The following ATG10 variants were observed in gnomAD, a reference collection of about 807,000 sequenced individuals.
ATG10 encodes ubiquitin-like-conjugating enzyme ATG10.
Under a neutral mutation model 32.1 loss-of-function variants are expected in ATG10, and 30 were observed. The observed-to-expected ratio is 0.94, with a 90% CI of 0.70 to 1.27. The LOEUF is 1.27. Among genes scored for constraint, ATG10 ranks in the 50% most tolerant of loss-of-function variants. ATG10 has a pLI of 0.00. For missense variants in ATG10, 233 were observed against 262.3 expected (o/e 0.89, Z 0.77); for synonymous variants, 87 against 91.5 (o/e 0.95, Z 0.28).
At chr5:82,249,829 T>C (rs1747175672) in intron 5 of ATG10, among the ~76,000 whole-genome samples, 2 of 152,204 alleles carry the variant, frequency 1.3e-5, no homozygotes, top group Non-Finnish European at 1.5e-5. Context: ...AGAGCTGCAG[T>C]GTGCCATGGT....
Position 82,040,065 on chromosome 5 carries a change from AG to A in ATG10, c.109-18427del, listed in dbSNP as rs373708650. On this transcript the variant is annotated intron_variant, in intron 2 of 7. Coordinates refer to ENST00000282185, the MANE Select transcript of ATG10 (RefSeq NM_031482.5). ...AGTTGGACTTCCTACATAGCTTCTC[AG>A]GGCTCCAAACACGAATCCAGAAACA... Among the ~76,000 whole-genome samples the A allele has an allele frequency of 2.4e-3, 364 of 152,290 alleles. 2 individuals are homozygous for A. The highest frequency in any genetic ancestry group is 8.4e-3 in the African/African-American group (350 of 41,552).
At chr5:82,097,960 A>T (rs1289598163) in intron 3 of ATG10, among the ~76,000 whole-genome samples, 10 of 152,196 alleles carry the variant, frequency 6.6e-5, no homozygotes. Flanking sequence ...TAAAAAAAGG[A>T]TAGACTGTAA....
chr5:82,081,373 T>C (rs1312909725), intron 3 of ATG10, among the ~76,000 whole-genome samples: 1 of 152,220 alleles, frequency 6.6e-6, no homozygotes, highest in African/African-American at 2.4e-5. Context: ...CTGATTGCCC[T>C]GGCCAGAACT....
rs80321965 is a variant in ATG10, at chr5:82,108,805, A to G, written c.216+50203A>G. ...TCTCAAATTTTCAGTCTATGTGACTATGTGACCAGGAAGCAGGAATGGTGT... is the reference window on the plus strand; with the variant it reads ...TCTCAAATTTTCAGTCTATGTGACTGTGTGACCAGGAAGCAGGAATGGTGT... On this transcript the variant is annotated intron_variant, in intron 3 of 7. Transcript: ENST00000282185. 5.3e-3 allele frequency among the ~76,000 whole-genome samples: 802 copies of G among 152,142 alleles called. 6 individuals carry two copies. Among genetic ancestry groups the G allele is most frequent in the African/African-American group, 0.018 (756 of 41,536 alleles).
intron 5 of ATG10, among the ~76,000 whole-genome samples, chr5:82,193,963 C>T (rs983018243): frequency 6.6e-6 from 1 of 152,076 alleles, no homozygotes; most frequent in Non-Finnish European, 1.5e-5. Context: ...AAATGTTTTC[C>T]CTATTTATCA....
At chr5:82,028,101 G>C (rs752030774) in intron 2 of ATG10, among the ~76,000 whole-genome samples, 9 of 152,194 alleles carry the variant, frequency 5.9e-5, no homozygotes, top group Non-Finnish European at 1.3e-4. Context: ...TTACCACCTA[G>C]TGTGAAAATT....
At chr5:82,145,665 A>T (rs1767321717) in intron 3 of ATG10, among the ~76,000 whole-genome samples, 1 of 152,144 alleles carries the variant, frequency 6.6e-6, no homozygotes, top group Admixed American at 6.5e-5. Context: ...ACTTTTGCTT[A>T]AAACTGTCAC....
intron 1 of ATG10, among the ~76,000 whole-genome samples, chr5:81,979,294 G>A (rs1488311726): frequency 2.6e-5 from 4 of 152,188 alleles, no homozygotes; most frequent in Admixed American, 2.0e-4. Context: ...TCCAGAGGCC[G>A]AGATGGACGG....
chr5:82,094,648 A>G (rs1255555198), intron 3 of ATG10, among the ~76,000 whole-genome samples: 1 of 152,146 alleles, frequency 6.6e-6, no homozygotes, highest in Non-Finnish European at 1.5e-5. Context: ...AAGTAGAATT[A>G]TTGATAAAAC....
intron 5 of ATG10, among the ~76,000 whole-genome samples, chr5:82,242,294 T>C (rs1746837367): frequency 1.3e-5 from 2 of 152,078 alleles, no homozygotes; most frequent in Admixed American, 6.6e-5. Flanking sequence ...AGCATTAATG[T>C]ATGAGAAGAA....
intron 4 of ATG10, among the ~76,000 whole-genome samples, chr5:82,168,283 G>T (rs1743660990): frequency 6.6e-6 from 1 of 152,098 alleles, no homozygotes; most frequent in Admixed American, 6.5e-5. Context: ...ATGGCCTTTT[G>T]CCTTACCAGA....
At chr5:82,207,320 TTTGATA>T (rs1164522397) in intron 5 of ATG10, among the ~76,000 whole-genome samples, 5 of 152,208 alleles carry the variant, frequency 3.3e-5, no homozygotes, top group Admixed American at 1.3e-4. Flanking sequence ...CTGATAACTG[TTTGATA>T]TTGTCAGTCT....
At chr5:82,075,123 A>T (rs1764235266) in intron 3 of ATG10, among the ~76,000 whole-genome samples, 1 of 152,178 alleles carries the variant, frequency 6.6e-6, no homozygotes, top group Non-Finnish European at 1.5e-5. Flanking sequence ...GAAAGATATC[A>T]TAGGAATGAA....
At chr5:82,250,943 A>G (rs1747232657) in intron 5 of ATG10, among the ~76,000 whole-genome samples, 1 of 152,236 alleles carries the variant, frequency 6.6e-6, no homozygotes, top group African/African-American at 2.4e-5. Flanking sequence ...CTTTGAGCCC[A>G]GGGCCCAGTT....
chr5:81,990,885 G>A (rs1175175540), intron 2 of ATG10, among the ~76,000 whole-genome samples: 2 of 152,174 alleles, frequency 1.3e-5, no homozygotes, highest in Non-Finnish European at 2.9e-5. Context: ...TTCAGATTTG[G>A]GTGGAGAGAT....
intron 5 of ATG10, among the ~76,000 whole-genome samples, chr5:82,191,342 G>C (rs1163471419): frequency 6.6e-6 from 1 of 152,204 alleles, no homozygotes; most frequent in African/African-American, 2.4e-5. Context: ...CTGCTGTCCA[G>C]AGTTGGTCTG....
intron 3 of ATG10, among the ~76,000 whole-genome samples, chr5:82,078,895 C>G (rs992962195): frequency 6.6e-6 from 1 of 152,038 alleles, no homozygotes; most frequent in African/African-American, 2.4e-5. Flanking sequence ...ATTTAGAGTC[C>G]CCCCTCTACC....
chr5:81,972,079 C>G lies in ATG10; in HGVS notation c.-240C>G, dbSNP rs946052787. 1 of 152,102 alleles carries G rather than the reference C, an allele frequency of 6.6e-6. No homozygotes were observed. The highest frequency in any genetic ancestry group is 1.5e-5 in the Non-Finnish European group (1 of 68,004). The allele number at this position is 152,102 out of a possible 1,614,324, so 9.4% of individuals were successfully genotyped here. Reference sequence around the variant, plus strand: ...GACCTGACTGAAGGAGGCCGCGGACCTGACTGAAGGAGGCCACGGCCACTT... The same window carrying G: ...GACCTGACTGAAGGAGGCCGCGGACGTGACTGAAGGAGGCCACGGCCACTT... On this transcript the variant is annotated 5_prime_UTR_variant, in exon 1 of 8. Transcript: ENST00000282185.
chr5:82,186,349 G>C (rs7736487), intron 5 of ATG10, among the ~76,000 whole-genome samples: 39,196 of 152,066 alleles, frequency 0.26, 6,960 homozygotes, highest in African/African-American at 0.51. Flanking sequence ...TTGTAGAAAC[G>C]TTCCTATGTT....
Sources: allele counts gnomAD v4.1 joint callset (sites outside exome capture counted in the v4.1 genomes callset), GRCh38; gene constraint gnomAD v4.1.1; transcripts MANE v1.5; gene names NCBI Gene and HGNC (gene_info 2026-07-23, HGNC 2026-07-21).